MOCOS: variants seen among roughly 807,000 people sequenced by gnomAD.
The protein encoded by MOCOS is human molybdenum cofactor sulfurase.
A neutral mutation model predicts 83.6 loss-of-function variants in MOCOS; 86 were observed. The observed-to-expected ratio is 1.03, with a 90% CI of 0.86 to 1.23. The LOEUF (loss-of-function observed/expected upper bound fraction) is 1.23. Among genes scored for constraint, MOCOS ranks in the 50% most tolerant of loss-of-function variants. MOCOS has a pLI of 0.00. For synonymous variants in MOCOS, 445 were observed against 434.7 expected, an observed-to-expected ratio of 1.02 and a Z score of -0.29; for missense variants, 1,120 against 1,126.9, an observed-to-expected ratio of 0.99 and a Z score of 0.09.
intron 7 of MOCOS, among the ~76,000 whole-genome samples, chr18:36,214,421 G>A (rs558992147): frequency 1.3e-5 from 2 of 152,150 alleles, no homozygotes; most frequent in South Asian, 2.1e-4. Context: ...CTGAGGTACG[G>A]CCTCCAAGCT....
intron 11 of MOCOS, among the ~76,000 whole-genome samples, chr18:36,251,757 A>T: frequency 6.6e-6 from 1 of 152,110 alleles, no homozygotes; most frequent in Non-Finnish European, 1.5e-5. Context: ...AATTTTTCCC[A>T]CCTTAAGCCA....
intron 9 of MOCOS, among the ~76,000 whole-genome samples, chr18:36,240,196 A>C (rs1252697088): frequency 7.3e-6 from 1 of 136,874 alleles, no homozygotes; most frequent in African/African-American, 2.9e-5. Flanking sequence ...GTTCCTTTGG[A>C]GGAGGAGAGG....
Position 36,200,179 on chromosome 18 carries a change from T to C in MOCOS, c.796T>C (p.Phe266Leu). The change falls in exon 4 of 15, where the codon TTC becomes CTC. Residue 266 changes from phenylalanine (F) to leucine (L), a missense_variant. By Grantham distance (22) the Phe-to-Leu change is conservative (BLOSUM62 0). Transcript: ENST00000261326. The stretch of plus-strand genomic sequence containing the variant: ...TGTCCCCATCTCCTTCTATAAGATC[T>C]TCGGGTTTCCTACAGGCCTGGGCGC... ...DFVPISFYKI[F>L]GFPTGLGALL... is the part of the protein sequence containing the mutation. 6.2e-7 allele frequency: 1 copy of C among 1,614,240 alleles called. No individual in the cohort carries two copies.
At position 36,200,250 on chromosome 18, in the gene MOCOS, C is replaced by A. The variant is rs1053984589; in HGVS notation, c.867C>A (p.Tyr289Ter). The change falls in exon 4 of 15, where the codon TAC (tyrosine) becomes TAA (stop). Residue 289 changes from tyrosine to a stop codon, truncating the protein, a stop_gained. Coordinates refer to ENST00000261326, the MANE Select transcript of MOCOS (RefSeq NM_017947.4). LOFTEE classifies it high-confidence loss of function. ...NRAAPLLRKT[Y>*]FGGGTASAYL... Reference sequence around the variant, plus strand: ...CGGCTCCTCTACTGAGGAAGACCTACTTTGGAGGAGGGACAGCCTCTGCGT... The same window carrying A: ...CGGCTCCTCTACTGAGGAAGACCTAATTTGGAGGAGGGACAGCCTCTGCGT... 8.7e-6 allele frequency: 14 copies of A among 1,614,060 alleles called. No homozygotes were observed. The highest frequency in any genetic ancestry group is 1.2e-5 in the Non-Finnish European group (14 of 1,180,038).
intron 8 of MOCOS, among the ~76,000 whole-genome samples, chr18:36,219,083 G>A (rs552653448): frequency 2.7e-5 from 4 of 149,924 alleles, no homozygotes; most frequent in African/African-American, 9.8e-5. Flanking sequence ...CGGCCAGGAT[G>A]GTCTTGAACT....
intron 14 of MOCOS, 148 bp from the exon 15 acceptor site, chr18:36,268,385 C>A (rs757250120): frequency 7.7e-5 from 74 of 956,348 alleles, no homozygotes; most frequent in Non-Finnish European, 1.1e-4. Flanking sequence ...CCAGTGCATT[C>A]TACTGTGTAA....
chr18:36,196,300 C>T (rs926599178), intron 2 of MOCOS, among the ~76,000 whole-genome samples: 5 of 152,180 alleles, frequency 3.3e-5, no homozygotes, highest in Admixed American at 1.3e-4. Flanking sequence ...ATCAGGTACT[C>T]GCTATGAGCT....
At chr18:36,245,997 A>T (rs2091600870) in intron 9 of MOCOS, among the ~76,000 whole-genome samples, 1 of 152,048 alleles carries the variant, frequency 6.6e-6, no homozygotes, top group Non-Finnish European at 1.5e-5. Flanking sequence ...TCTTTATGAT[A>T]TCTATTTCTC....
intron 2 of MOCOS, among the ~76,000 whole-genome samples, chr18:36,196,530 T>C (rs968268977): frequency 1.3e-5 from 2 of 152,168 alleles, no homozygotes; most frequent in Non-Finnish European, 2.9e-5. Flanking sequence ...AGGATACTTC[T>C]GTTATGCCAC....
At chr18:36,202,440 C>A (rs545284305) in intron 4 of MOCOS, among the ~76,000 whole-genome samples, 1 of 152,200 alleles carries the variant, frequency 6.6e-6, no homozygotes, top group East Asian at 1.9e-4. Context: ...GTGATCCTCC[C>A]ACCTGGGCCT....
In MOCOS at chr18:36,205,096, G is replaced by A. The variant is rs2091429821; in HGVS notation, c.1038G>A (p.Lys346=). ...ERLTGGMENI[K]QHTFTLAQYT... is the part of the protein sequence containing the mutation. Reference sequence around the variant, plus strand: ...TTTGAGGTGGAATGGAGAATATAAAGCAGCACACCTTCACCTTGGCTCAGT... The same window carrying A: ...TTTGAGGTGGAATGGAGAATATAAAACAGCACACCTTCACCTTGGCTCAGT... Residue 346 remains lysine, a synonymous_variant, in exon 6 of 15, where the codon AAG becomes AAA. Coordinates refer to ENST00000261326, the MANE Select transcript of MOCOS (RefSeq NM_017947.4). The A allele has an allele frequency of 6.2e-7, 1 of 1,607,432 alleles. No homozygotes were observed. The highest frequency in any genetic ancestry group is 1.1e-5 in the South Asian group (1 of 90,960).
intron 9 of MOCOS, among the ~76,000 whole-genome samples, chr18:36,228,512 G>T (rs532357483): frequency 1.3e-5 from 2 of 152,256 alleles, no homozygotes; most frequent in South Asian, 4.1e-4. Context: ...AAAAAAGAAT[G>T]AGATAATGTC....
At chr18:36,230,324 A>G (rs772165911) in intron 9 of MOCOS, among the ~76,000 whole-genome samples, 23 of 152,012 alleles carry the variant, frequency 1.5e-4, no homozygotes, top group Non-Finnish European at 3.1e-4. Flanking sequence ...ACCTCAGGTG[A>G]TCCACCCACC....
chr18:36,235,235 A>C (rs2091553565), intron 9 of MOCOS, among the ~76,000 whole-genome samples: 4 of 137,132 alleles, frequency 2.9e-5, no homozygotes, highest in East Asian at 2.3e-4. Flanking sequence ...GCACCCACTA[A>C]CTCATCATCT....
In MOCOS at chr18:36,195,264, C is replaced by G. The variant is rs771795046; in HGVS notation, c.150C>G (p.Val50=). The G allele has an allele frequency of 3.1e-6, 5 of 1,614,040 alleles. No homozygotes were observed. The highest frequency in any genetic ancestry group is 4.2e-6 in the Non-Finnish European group (5 of 1,179,870). Residue 50 remains valine, a synonymous_variant, in exon 2 of 15, where the codon GTC becomes GTG. Coordinates refer to ENST00000261326, the MANE Select transcript of MOCOS (RefSeq NM_017947.4). ...TTTTGTGTTTTCTTTCAGGAACTGT[C>G]TATCTTGACCATGCAGGTGCCACCT... ...AREFSRLAGT[V]YLDHAGATLF...
At chr18:36,219,243 A>G (rs953353919) in intron 8 of MOCOS, among the ~76,000 whole-genome samples, 6 of 151,788 alleles carry the variant, frequency 4.0e-5, no homozygotes, top group African/African-American at 1.5e-4. Context: ...GCTGGAGTGC[A>G]ATGACATGAT....
In MOCOS at chr18:36,199,748, C is replaced by T; in HGVS notation, c.365C>T (p.Ala122Val). The stretch of plus-strand genomic sequence containing the variant: ...GTGATCTTCACTGCCGGGAGCACGG[C>T]TGCTCTCAAACTGGTGGCAGAGGCC... ...YTVIFTAGSTAALKLVAEAFP... is the reference protein window; with the variant it reads ...YTVIFTAGSTVALKLVAEAFP... Residue 122 changes from alanine (A) to valine (V), a missense_variant, in exon 4 of 15, where the codon GCT becomes GTT. Transcript: ENST00000261326. 6.2e-7 allele frequency: 1 copy of T among 1,614,198 alleles called. No individual in the cohort carries two copies. Among genetic ancestry groups the T allele is most frequent in the Non-Finnish European group, 8.5e-7 (1 of 1,180,050 alleles).
intron 9 of MOCOS, among the ~76,000 whole-genome samples, chr18:36,230,526 C>T (rs2091534058): frequency 6.6e-6 from 1 of 152,186 alleles, no homozygotes; most frequent in Non-Finnish European, 1.5e-5. Flanking sequence ...AATCAGGCAA[C>T]TATGTTTTCT....
intron 13 of MOCOS, 138 bp from the exon 14 acceptor site, chr18:36,266,611 A>G: frequency 1.4e-6 from 1 of 728,690 alleles, no homozygotes; most frequent in Non-Finnish European, 2.5e-6. Context: ...ATGATTCCCC[A>G]GCAGAGACGG....
Sources: gnomAD v4.1 joint callset for allele counts (sites outside exome capture counted in the v4.1 genomes callset) on GRCh38, gnomAD v4.1.1 for gene constraint, MANE v1.5 for transcripts, NCBI Gene and HGNC (gene_info 2026-07-23, HGNC 2026-07-21) for gene names.